The following DYSF variants were observed in gnomAD, a reference collection of about 807,000 sequenced individuals.
DYSF encodes the protein dysferlin.
A neutral mutation model predicts 274.9 loss-of-function variants in DYSF; 212 were observed. The observed-to-expected ratio is 0.77, with a 90% CI of 0.69 to 0.86. The LOEUF is 0.86. DYSF is among the 40% of genes least tolerant of loss of function. DYSF has a pLI of 0.00. For missense variants in DYSF, 2,666 were observed against 2,783.2 expected (o/e 0.96, Z 0.95); for synonymous variants, 1,091 against 1,078.7 (o/e 1.01, Z -0.22).
chr2:71,512,037 T>G, intron 5 of DYSF, 116 bp downstream of exon 5: 1 of 700,192 alleles, frequency 1.4e-6, no homozygotes, highest in South Asian at 1.5e-5. Flanking sequence ...CTCCCCAGGT[T>G]GGAGGCTGCC....
chr2:71,660,682 G>T (rs2094862677), intron 45 of DYSF, 31 bp downstream of exon 45: 1 of 1,586,288 alleles, frequency 6.3e-7, no homozygotes, highest in Non-Finnish European at 8.7e-7. Context: ...TCTTGGGGTG[G>T]AGGAGCCAGA....
chr2:71,638,884 G>A (rs1057159990), intron 41 of DYSF, among the ~76,000 whole-genome samples: 6 of 152,168 alleles, frequency 3.9e-5, no homozygotes, highest in Admixed American at 6.6e-5. Context: ...CAACTCTAAC[G>A]TTTAATGTTT....
chr2:71,557,002 G>T (rs997369224), intron 22 of DYSF, among the ~76,000 whole-genome samples: 1 of 152,194 alleles, frequency 6.6e-6, no homozygotes, highest in Non-Finnish European at 1.5e-5. Flanking sequence ...CAGTTAGGAA[G>T]TGTATCTTTA....
intron 41 of DYSF, among the ~76,000 whole-genome samples, chr2:71,635,770 GAAAAAA>G (rs1158521130): frequency 7.9e-6 from 1 of 126,706 alleles, no homozygotes; most frequent in Non-Finnish European, 1.6e-5. Context: ...AAAAAAGAAA[GAAAAAA>G]GAAAAAGAAA....
chr2:71,684,771 T>C (rs570117644), intron 55 of DYSF, among the ~76,000 whole-genome samples: 1 of 152,266 alleles, frequency 6.6e-6, no homozygotes, highest in Non-Finnish European at 1.5e-5. Context: ...GGAGAAACCC[T>C]GTTGGATGTG....
intron 3 of DYSF, among the ~76,000 whole-genome samples, chr2:71,498,220 T>A (rs1463102202): frequency 6.6e-6 from 1 of 152,258 alleles, no homozygotes; most frequent in Non-Finnish European, 1.5e-5. Flanking sequence ...GTGATGGCAC[T>A]GGCTCTATCA....
chr2:71,517,084 G>A (rs747009076), intron 10 of DYSF, 45 bp downstream of exon 10: 4 of 1,580,990 alleles, frequency 2.5e-6, no homozygotes, highest in Non-Finnish European at 3.5e-6. Flanking sequence ...TCACTTCTCC[G>A]TGTTGGTGGA....
intron 3 of DYSF, among the ~76,000 whole-genome samples, chr2:71,492,375 T>C (rs2083929282): frequency 6.6e-6 from 1 of 152,174 alleles, no homozygotes; most frequent in Non-Finnish European, 1.5e-5. Flanking sequence ...ATGGCATGTG[T>C]CTCCTTCCAG....
At position 71,520,208 on chromosome 2, in the gene DYSF, C is replaced by T. The variant is rs755046419; in HGVS notation, c.1033C>T (p.Arg345Trp). Residue 345 changes from arginine (R) to tryptophan (W), a missense_variant and splice_region_variant, in exon 11 of 56, where the codon CGG becomes TGG. Transcript: ENST00000410020. The stretch of plus-strand genomic sequence containing the variant: ...CGTGGGCACCATTTACAGAGAGCCC[C>T]GTGAGTTCTCACCACTTTGGCCGTA... The part of the protein sequence containing the change: ...MDVGTIYREP[R>W]HAYLRKWLLL... The T allele has an allele frequency of 4.8e-5, 77 of 1,614,164 alleles. No individual in the cohort carries two copies. Among genetic ancestry groups the T allele is most frequent in the Non-Finnish European group, 5.7e-5 (67 of 1,180,038 alleles).
intron 9 of DYSF, 54 bp downstream of exon 9, chr2:71,516,296 G>A (rs2086644178): frequency 1.9e-6 from 3 of 1,539,686 alleles, no homozygotes; most frequent in Non-Finnish European, 9.0e-7. Flanking sequence ...GCACATAGGT[G>A]TCAGTGCACA....
intron 5 of DYSF, among the ~76,000 whole-genome samples, chr2:71,512,197 C>T (rs2086172032): frequency 6.6e-6 from 1 of 152,136 alleles, no homozygotes; most frequent in South Asian, 2.1e-4. Context: ...GGGGACGGGG[C>T]TGAGCCCAGG....
chr2:71,605,494 C>T (rs2093630145), intron 36 of DYSF, among the ~76,000 whole-genome samples: 1 of 152,076 alleles, frequency 6.6e-6, no homozygotes, highest in Admixed American at 6.5e-5. Context: ...AGAAGAAGAC[C>T]CATGGGGCTT....
chr2:71,603,482 G>A (rs940936049), intron 36 of DYSF, among the ~76,000 whole-genome samples: 1 of 152,188 alleles, frequency 6.6e-6, no homozygotes, highest in East Asian at 1.9e-4. Context: ...CAGATGAGGC[G>A]TTGGGAAAAG....
intron 41 of DYSF, among the ~76,000 whole-genome samples, chr2:71,630,864 A>C (rs533494774): frequency 6.6e-6 from 1 of 152,194 alleles, no homozygotes; most frequent in African/African-American, 2.4e-5. Flanking sequence ...TTCAGGCCTG[A>C]TTAGTACCTT....
intron 41 of DYSF, among the ~76,000 whole-genome samples, chr2:71,634,945 T>C (rs1020879328): frequency 1.7e-4 from 26 of 152,078 alleles, no homozygotes; most frequent in African/African-American, 6.0e-4. Flanking sequence ...CTACAGGGAG[T>C]GGGGCACCAT....
intron 24 of DYSF, among the ~76,000 whole-genome samples, chr2:71,566,632 G>T (rs1452168121): frequency 6.6e-6 from 1 of 152,114 alleles, no homozygotes; most frequent in East Asian, 1.9e-4. Context: ...AGGGGAGAGA[G>T]CCGGGGGTGG....
intron 30 of DYSF, among the ~76,000 whole-genome samples, chr2:71,577,823 C>T (rs2152828505): frequency 6.6e-6 from 1 of 152,290 alleles, no homozygotes; most frequent in South Asian, 2.1e-4. Context: ...CTAAGGTCCT[C>T]CCTGCCTCCT....
Position 71,576,756 on chromosome 2 carries a change from C to T in DYSF, c.3402+2385C>T, listed in dbSNP as rs113945177. 4 of 152,450 alleles carry T rather than the reference C, an allele frequency of 2.6e-5. No individual in the cohort carries two copies. The South Asian group carries it at 8.3e-4, about 32-fold the overall frequency. 9.4% of individuals were successfully genotyped at this position (152,450 alleles called of 1,614,324 possible). ...ACACGTGGACAAAGCGTGGATGGAC[C>T]CTGGGGCTGGCTAGGGCCTGGAGGA... On this transcript the variant is annotated intron_variant, in intron 30 of 55. Transcript: ENST00000410020.
chr2:71,617,544 G>A (rs1349681221), intron 40 of DYSF, among the ~76,000 whole-genome samples: 2 of 152,004 alleles, frequency 1.3e-5, no homozygotes, highest in Non-Finnish European at 1.5e-5. Context: ...AAAGGGGTAC[G>A]TGTGTGTATG....
Sources: allele counts gnomAD v4.1 joint callset (sites outside exome capture counted in the v4.1 genomes callset), GRCh38; gene constraint gnomAD v4.1.1; transcripts MANE v1.5; gene names NCBI Gene and HGNC (gene_info 2026-07-23, HGNC 2026-07-21).